RXFP1: variants seen among roughly 807,000 people sequenced by gnomAD.
The protein encoded by RXFP1 is relaxin receptor 1.
A neutral mutation model predicts 89.8 loss-of-function variants in RXFP1; 73 were observed. The ratio of observed to expected loss-of-function variants is 0.81; its 90% CI spans 0.67 to 0.99. The LOEUF (loss-of-function observed/expected upper bound fraction) is 0.99. RXFP1 is among the 50% of genes least tolerant of loss of function. RXFP1 has a pLI of 0.00. For missense variants in RXFP1, 793 were observed against 895.5 expected (o/e 0.89, Z 1.46); for synonymous variants, 277 against 305.5 (o/e 0.91, Z 0.97).
chr4:158,533,513 T>G (rs1744556767), intron 1 of RXFP1, among the ~76,000 whole-genome samples: 1 of 152,208 alleles, frequency 6.6e-6, no homozygotes, highest in African/African-American at 2.4e-5. Flanking sequence ...TTTAGCTATT[T>G]CCCAACACTG....
At chr4:158,584,535 C>T (rs1757937813) in intron 2 of RXFP1, among the ~76,000 whole-genome samples, 2 of 152,134 alleles carry the variant, frequency 1.3e-5, no homozygotes, top group South Asian at 4.1e-4. Flanking sequence ...TAAACTATCA[C>T]ATTTAGCCTT....
intron 12 of RXFP1, among the ~76,000 whole-genome samples, chr4:158,635,233 C>A (rs961434018): frequency 6.6e-6 from 1 of 152,104 alleles, no homozygotes; most frequent in African/African-American, 2.4e-5. Flanking sequence ...GGGTATTTAT[C>A]TTTCACCTCC....
chr4:158,585,819 A>G (rs1165102814), intron 2 of RXFP1, among the ~76,000 whole-genome samples: 1 of 152,262 alleles, frequency 6.6e-6, no homozygotes, highest in Non-Finnish European at 1.5e-5. Context: ...AGTAAGTATA[A>G]TAAGACCGTT....
At chr4:158,600,315 T>C (rs1400638543) in intron 4 of RXFP1, among the ~76,000 whole-genome samples, 1 of 152,078 alleles carries the variant, frequency 6.6e-6, no homozygotes, top group African/African-American at 2.4e-5. Context: ...AGGTAAGAGC[T>C]ACAACTCAGA....
At chr4:158,568,822 C>T (rs1157341687) in intron 1 of RXFP1, among the ~76,000 whole-genome samples, 3 of 152,220 alleles carry the variant, frequency 2.0e-5, no homozygotes, top group Middle Eastern at 3.4e-3. Context: ...TAAGAAGTCC[C>T]GCTATACTTC....
At chr4:158,574,873 A>C (rs1755878298) in intron 2 of RXFP1, among the ~76,000 whole-genome samples, 1 of 152,126 alleles carries the variant, frequency 6.6e-6, no homozygotes, top group African/African-American at 2.4e-5. Context: ...GATGGCTATA[A>C]ATACGTTTTC....
intron 2 of RXFP1, among the ~76,000 whole-genome samples, chr4:158,584,118 C>G (rs1006263250): frequency 6.6e-6 from 1 of 152,088 alleles, no homozygotes; most frequent in Non-Finnish European, 1.5e-5. Context: ...TGAAAGTTGA[C>G]TAAATACGTG....
chr4:158,549,831 C>T (rs1335647211), intron 1 of RXFP1, among the ~76,000 whole-genome samples: 1 of 152,202 alleles, frequency 6.6e-6, no homozygotes, highest in African/African-American at 2.4e-5. Context: ...AGAGGAGTAC[C>T]CGGCCGTGTG....
chr4:158,553,735 G>A (rs1750664403), intron 1 of RXFP1, among the ~76,000 whole-genome samples: 1 of 152,128 alleles, frequency 6.6e-6, no homozygotes, highest in African/African-American at 2.4e-5. Flanking sequence ...AGGGATTCTA[G>A]TTTCTATGGC....
chr4:158,572,944 A>G, intron 2 of RXFP1, 109 bp downstream of exon 2: 1 of 1,439,820 alleles, frequency 6.9e-7, no homozygotes. Context: ...GAAATACAAA[A>G]CATATGTTGC....
intron 12 of RXFP1, among the ~76,000 whole-genome samples, chr4:158,637,418 T>C (rs1359478324): frequency 3.9e-5 from 6 of 152,224 alleles, no homozygotes; most frequent in Non-Finnish European, 7.3e-5. Context: ...CTTTCATCTT[T>C]TTGATAAAAA....
At chr4:158,576,449 A>T (rs867350378) in intron 2 of RXFP1, among the ~76,000 whole-genome samples, 25 of 151,974 alleles carry the variant, frequency 1.6e-4, no homozygotes, top group South Asian at 1.2e-3. Context: ...ATAAAAATTT[A>T]AAAAAAGAAA....
At chr4:158,568,414 G>C (rs572143189) in intron 1 of RXFP1, among the ~76,000 whole-genome samples, 9 of 152,322 alleles carry the variant, frequency 5.9e-5, no homozygotes, top group African/African-American at 1.9e-4. Context: ...ACACAGGCAG[G>C]TATGGCCAGT....
rs35872724 is a variant in RXFP1, at chr4:158,627,504, GGTGTGTGTGTGT to G, written c.827+648_827+659del. 6.8e-3 allele frequency among the ~76,000 whole-genome samples: 976 copies of G among 143,426 alleles called. 12 individuals are homozygous for G. The highest frequency in any genetic ancestry group is 0.022 in the African/African-American group (867 of 38,834). The allele number at this position is 143,426 out of a possible 152,430, so 94.1% of individuals were successfully genotyped here. A position where few individuals can be genotyped will look rare whatever the true frequency, so the allele number is the denominator to read the frequency against. On this transcript the variant is annotated intron_variant, in intron 10 of 17. Transcript: ENST00000307765. ...AAATGTATTGTTTCATGAGCCTTAG[GGTGTGTGTGTGT>G]GTGTGTGTGTGTGTGTGTGTGTGTG...
At chr4:158,627,545 G>A (rs1006386972) in intron 10 of RXFP1, among the ~76,000 whole-genome samples, 6 of 127,316 alleles carry the variant, frequency 4.7e-5, no homozygotes, top group African/African-American at 1.9e-4. Flanking sequence ...GTGTGTGTGT[G>A]TGTGTTTTAT....
chr4:158,592,849 G>A (rs181717946), intron 2 of RXFP1, among the ~76,000 whole-genome samples: 11 of 152,032 alleles, frequency 7.2e-5, no homozygotes, highest in Admixed American at 6.5e-5. Context: ...CCAACACTTT[G>A]GGGGGCCGAG....
In RXFP1 at chr4:158,648,592, G is replaced by A. The variant is rs764817904; in HGVS notation, c.1850G>A (p.Arg617Gln). ...AGTGCCATAACAGCAACTGAAATACGGAATCAAGTTAAAAAAGAGATGATC... is the reference window on the plus strand; with the variant it reads ...AGTGCCATAACAGCAACTGAAATACAGAATCAAGTTAAAAAAGAGATGATC... ...HQSAITATEIRNQVKKEMILA... is the reference protein window; with the variant it reads ...HQSAITATEIQNQVKKEMILA... The change falls in exon 17 of 18, where the codon CGG (arginine) becomes CAG (glutamine). Residue 617 changes from arginine to glutamine, a missense_variant. Transcript: ENST00000307765. The A allele has an allele frequency of 1.1e-5, 17 of 1,612,792 alleles. No homozygotes were observed. Among genetic ancestry groups the A allele is most frequent in the East Asian group, 4.5e-5 (2 of 44,768 alleles).
chr4:158,635,831 A>G (rs1233120731), intron 12 of RXFP1, among the ~76,000 whole-genome samples: 1 of 149,730 alleles, frequency 6.7e-6, no homozygotes, highest in Non-Finnish European at 1.5e-5. Context: ...TTCAGTAAAT[A>G]TTTTTGTTTA....
At chr4:158,632,699 C>A (rs886355850) in intron 11 of RXFP1, among the ~76,000 whole-genome samples, 1 of 152,142 alleles carries the variant, frequency 6.6e-6, no homozygotes, top group South Asian at 2.1e-4. Context: ...CTGTGTATAT[C>A]AGCTGTGGAA....
Sources: allele counts gnomAD v4.1 joint callset (sites outside exome capture counted in the v4.1 genomes callset), GRCh38; gene constraint gnomAD v4.1.1; transcripts MANE v1.5; gene names NCBI Gene and HGNC (gene_info 2026-07-23, HGNC 2026-07-21).